BAIAP3: variants seen among roughly 807,000 people sequenced by gnomAD.
BAIAP3 encodes BAI1-associated protein 3.
In BAIAP3, 180 loss-of-function variants were observed where a neutral mutation model predicts 149.7. The observed-to-expected ratio is 1.20, with a 90% CI of 1.07 to 1.36. BAIAP3 has a LOEUF of 1.36. Among genes scored for constraint, BAIAP3 ranks in the 40% most tolerant of loss-of-function variants. BAIAP3 has a pLI of 0.00. For synonymous variants in BAIAP3, 845 were observed against 670.7 expected, an observed-to-expected ratio of 1.26 and a Z score of -4.02; for missense variants, 1,767 against 1,563.4, an observed-to-expected ratio of 1.13 and a Z score of -2.20.
At position 1,338,695 on chromosome 16, in the gene BAIAP3, G is replaced by T. The variant is rs1250171346; in HGVS notation, c.131+15G>T. On this transcript the variant is annotated intron_variant, in intron 2 of 33. Transcript: ENST00000426824. Reference sequence around the variant, plus strand: ...ACGGGGGCCTGGTGGGTGCCGAGGGGCCCAGCCCCACACGCCCACAGGGCC... The same window carrying T: ...ACGGGGGCCTGGTGGGTGCCGAGGGTCCCAGCCCCACACGCCCACAGGGCC... 11 of 1,569,246 alleles carry T rather than the reference G, an allele frequency of 7.0e-6. No homozygotes were observed. Among genetic ancestry groups the T allele is most frequent in the Non-Finnish European group, 9.5e-6 (11 of 1,159,512 alleles).
intron 4 of BAIAP3, 117 bp downstream of exon 4, chr16:1,339,361 G>A (rs1309593494): frequency 6.7e-7 from 1 of 1,496,808 alleles, no homozygotes; most frequent in Non-Finnish European, 9.0e-7. Flanking sequence ...GGGTGAGTGG[G>A]TGGGTGAGTG....
intron 5 of BAIAP3, among the ~76,000 whole-genome samples, chr16:1,340,669 A>T (rs1335085270): frequency 1.3e-5 from 2 of 152,124 alleles, no homozygotes; most frequent in African/African-American, 4.8e-5. Context: ...ATGTGCTCTG[A>T]ACTCCCCTGT....
chr16:1,343,406 A>T lies in BAIAP3; in HGVS notation c.1279A>T (p.Ser427Cys). The change falls in exon 15 of 34, where the codon AGC (serine) becomes TGC (cysteine). Residue 427 changes from serine to cysteine, a missense_variant. Coordinates refer to ENST00000426824, the MANE Select transcript of BAIAP3 (RefSeq NM_001199097.2). ...CGGGCCCCACAGGCACTGGCAGGTC[A>T]GCAGCCGCCACCATCAAACCTGCAC... ...LQLAVLHWQVSSRHHQTCTLD... is the reference protein window; with the variant it reads ...LQLAVLHWQVCSRHHQTCTLD... The T allele has an allele frequency of 6.4e-7, 1 of 1,567,284 alleles. No homozygotes were observed. The highest frequency in any genetic ancestry group is 8.6e-7 in the Non-Finnish European group (1 of 1,158,450).
intron 2 of BAIAP3, 48 bp downstream of exon 2, chr16:1,338,728 G>A (rs200797934): frequency 6.3e-5 from 98 of 1,559,412 alleles, no homozygotes; most frequent in East Asian, 3.5e-4. Flanking sequence ...GCCATTTCCC[G>A]CCAGACTTCA....
At chr16:1,343,111 G>C in intron 14 of BAIAP3, 95 bp downstream of exon 14, 8 of 1,132,802 alleles carry the variant, frequency 7.1e-6, no homozygotes, top group Non-Finnish European at 1.0e-5. Context: ...TCGTGGCTGG[G>C]AGGGTGGGGC....
rs376716419 is a variant in BAIAP3 at position 1,344,833 on chromosome 16, G to A, written c.1793G>A (p.Arg598Gln). 4.6e-5 allele frequency: 75 copies of A among 1,613,658 alleles called. 1 individual carries two copies. Among genetic ancestry groups the A allele is most frequent in the Non-Finnish European group, 1.9e-5 (23 of 1,180,038 alleles). Residue 598 changes from arginine to glutamine, a missense_variant, in exon 20 of 34, where the codon CGG (arginine) becomes CAG (glutamine). Coordinates refer to ENST00000426824, the MANE Select transcript of BAIAP3 (RefSeq NM_001199097.2). ...GTGGACGTCTTCACCCTGACCTTCC[G>A]GCAGCTGGAGCGTCTGGTGAGGAGG... is the stretch of plus-strand genomic sequence containing the variant. ...LNVDVFTLTFRQLERLVAEEA... is the reference protein window; with the variant it reads ...LNVDVFTLTFQQLERLVAEEA...
At chr16:1,344,757 G>C (rs750940695) in intron 19 of BAIAP3, 41 bp from the exon 20 acceptor site, 2 of 1,613,094 alleles carry the variant, frequency 1.2e-6, no homozygotes, top group African/African-American at 2.7e-5. Context: ...AGGGCCTGCA[G>C]GTGGGGCGCA....
intron 1 of BAIAP3, chr16:1,334,668 C>G: frequency 6.4e-7 from 1 of 1,551,668 alleles, no homozygotes; most frequent in Non-Finnish European, 8.7e-7. Context: ...TGGAATGAGA[C>G]CCCGGGGAGC....
chr16:1,343,222 A>G, intron 14 of BAIAP3, 171 bp from the exon 15 acceptor site: 3 of 1,157,748 alleles, frequency 2.6e-6, no homozygotes, highest in South Asian at 1.5e-5. Flanking sequence ...GGGCGGTGCC[A>G]TGAGTAGGTA....
In BAIAP3 at chr16:1,346,204, G is replaced by A. The variant is rs765382046; in HGVS notation, c.2336G>A (p.Arg779His). The A allele has an allele frequency of 3.3e-5, 54 of 1,611,994 alleles. No homozygotes were observed. Among genetic ancestry groups the A allele is most frequent in the African/African-American group, 5.3e-5 (4 of 74,924 alleles). Reference protein sequence around the residue: ...CVVLNNVELVRKAAGQALKGL... With the variant: ...CVVLNNVELVHKAAGQALKGL... The stretch of plus-strand genomic sequence containing the variant: ...GTCCTCAACAATGTGGAGCTCGTGC[G>A]CAAGGCTGCTGGGCAGGCCTTGAAG... Residue 779 changes from arginine (R) to histidine (H), a missense_variant, in exon 25 of 34, where the codon CGC becomes CAC. Arg to His is a conservative substitution (Grantham distance 29, BLOSUM62 0). Coordinates refer to ENST00000426824, the MANE Select transcript of BAIAP3 (RefSeq NM_001199097.2).
In BAIAP3 at chr16:1,348,468, G is replaced by C. The variant is rs1299709850; in HGVS notation, c.3445G>C (p.Glu1149Gln). 6.2e-7 allele frequency: 1 copy of C among 1,610,344 alleles called. No homozygotes were observed. The highest frequency in any genetic ancestry group is 2.2e-5 in the East Asian group (1 of 44,776). Reference sequence around the variant, plus strand: ...ACTCAAGGAGCTGGAGAAGTGCATGGAGGCGGACCCCTGAGTCCATCAGCT... The same window carrying C: ...ACTCAAGGAGCTGGAGAAGTGCATGCAGGCGGACCCCTGAGTCCATCAGCT... ...KKLKELEKCM[E>Q]ADP The change falls in exon 34 of 34, where the codon GAG (glutamate) becomes CAG (glutamine). Residue 1149 changes from glutamate (E) to glutamine (Q), a missense_variant. By Grantham distance (29) the Glu-to-Gln change is conservative. Transcript: ENST00000426824.
In BAIAP3 at chr16:1,342,079, C is replaced by A. The variant is rs773345782; in HGVS notation, c.854+16C>A. On this transcript the variant is annotated intron_variant, in intron 10 of 33. Transcript: ENST00000426824. ...GCATGGGCAGGTATGACTGCTGGGA[C>A]CTTTCTACCCATCACCCGTGCCCTC... 1.3e-6 allele frequency: 2 copies of A among 1,588,038 alleles called. No homozygotes were observed.
chr16:1,339,176 A>G lies in BAIAP3; in HGVS notation c.232A>G (p.Ser78Gly), dbSNP rs1438637315. Residue 78 changes from serine (S) to glycine (G), a missense_variant, in exon 4 of 34, where the codon AGT (serine) becomes GGT (glycine). By Grantham distance (56) the Ser-to-Gly change is moderately conservative. Coordinates refer to ENST00000426824, the MANE Select transcript of BAIAP3 (RefSeq NM_001199097.2). ...GCCCCACACACAGGTCCCCCTGCGC[A>G]GTGGCTCGCCAGCACCCCCGGAGCC... Reference protein sequence around the residue: ...GLPCLEVPLRSGSPAPPEPVD... With the variant: ...GLPCLEVPLRGGSPAPPEPVD... The G allele has an allele frequency of 6.4e-7, 1 of 1,566,824 alleles. No individual in the cohort carries two copies. Among genetic ancestry groups the G allele is most frequent in the Non-Finnish European group, 8.6e-7 (1 of 1,157,508 alleles).
intron 1 of BAIAP3, 59 bp from the exon 2 acceptor site, chr16:1,338,481 G>A (rs1312392454): frequency 1.8e-6 from 1 of 565,442 alleles, no homozygotes; most frequent in East Asian, 8.2e-5. Context: ...CCCGCCTGCT[G>A]TGGTGCACGG....
At chr16:1,340,188 G>C (rs1428871393) in intron 5 of BAIAP3, among the ~76,000 whole-genome samples, 4 of 72,886 alleles carry the variant, frequency 5.5e-5, no homozygotes, top group Admixed American at 1.4e-4. Flanking sequence ...GGTGCACACA[G>C]ACACACGCAC....
chr16:1,341,468 T>C lies in BAIAP3; in HGVS notation c.710T>C (p.Val237Ala). ...TEVKSSTLNPVWKEHFLFEIE... is the reference protein window; with the variant it reads ...TEVKSSTLNPAWKEHFLFEIE... ...GTGAAGAGCAGCACCCTGAACCCCG[T>C]CTGGAAGGAGCACTTCCTCTTGTGA... Residue 237 changes from valine (V) to alanine (A), a missense_variant, in exon 8 of 34, where the codon GTC becomes GCC. Coordinates refer to ENST00000426824, the MANE Select transcript of BAIAP3 (RefSeq NM_001199097.2). The C allele has an allele frequency of 6.2e-7, 1 of 1,611,062 alleles. No homozygotes were observed. Among genetic ancestry groups the C allele is most frequent in the Non-Finnish European group, 8.5e-7 (1 of 1,178,774 alleles).
Position 1,345,031 on chromosome 16 carries a change from C to T in BAIAP3, c.1872C>T (p.Ala624=). The T allele has an allele frequency of 6.2e-7, 1 of 1,612,474 alleles. No individual in the cohort carries two copies. The highest frequency in any genetic ancestry group is 8.5e-7 in the Non-Finnish European group (1 of 1,180,000). The part of the protein sequence containing the change: ...ELSPKMTLEV[A]SGLFELYLTL... ...GCCCCAAGATGACCCTGGAGGTGGC[C>T]TCGGGGCTCTTTGAGCTCTACCTGA... is the stretch of plus-strand genomic sequence containing the variant. Residue 624 remains alanine (A), a synonymous_variant, in exon 21 of 34, where the codon GCC becomes GCT. Coordinates refer to ENST00000426824, the MANE Select transcript of BAIAP3 (RefSeq NM_001199097.2).
At chr16:1,346,146 G>C in intron 24 of BAIAP3, 24 bp from the exon 25 acceptor site, 1 of 1,608,584 alleles carries the variant, frequency 6.2e-7, no homozygotes, top group Non-Finnish European at 8.5e-7. Flanking sequence ...CGGACCCATC[G>C]TTGCCTGGCC....
At position 1,335,285 on chromosome 16, in the gene BAIAP3, C is replaced by G. The variant is rs1001215611; in HGVS notation, c.-11+1536C>G. ...GGGCAGGTGTGGCTCAGCCCCAGTG[C>G]CACAAGGCAGGAGCTCCTTGGCGGT... On this transcript the variant is annotated intron_variant, in intron 1 of 33. Coordinates refer to ENST00000426824, the MANE Select transcript of BAIAP3 (RefSeq NM_001199097.2). 3.1e-4 allele frequency among the ~76,000 whole-genome samples: 47 copies of G among 152,334 alleles called. 1 individual carries two copies. The highest frequency in any genetic ancestry group is 1.8e-3 in the Admixed American group (27 of 15,304).
Sources: gnomAD v4.1 joint callset for allele counts (sites outside exome capture counted in the v4.1 genomes callset) on GRCh38, gnomAD v4.1.1 for gene constraint, MANE v1.5 for transcripts, NCBI Gene and HGNC (gene_info 2026-07-23, HGNC 2026-07-21) for gene names.